DYNC2H1: variants seen among roughly 807,000 people sequenced by gnomAD.
DYNC2H1 encodes cytoplasmic dynein 2 heavy chain 1.
In DYNC2H1, 410 loss-of-function variants were observed where a neutral mutation model predicts 570.0. The ratio of observed to expected loss-of-function variants is 0.72; its 90% confidence interval spans 0.66 to 0.78. The LOEUF is 0.78. Ranked by LOEUF, DYNC2H1 falls within the 30% of genes least tolerant of loss-of-function variation. The probability of loss-of-function intolerance (pLI) is 0.00; values close to 1 mark genes in which losing one functional copy is unlikely to be tolerated. For missense variants in DYNC2H1, 4,865 were observed against 5,046.4 expected, an observed-to-expected ratio of 0.96 and a Z score of 1.09; for synonymous variants, 1,688 against 1,677.6, an observed-to-expected ratio of 1.01 and a Z score of -0.15.
At chr11:103,152,862 A>G (rs1305429727) in intron 21 of DYNC2H1, among the ~76,000 whole-genome samples, 1 of 152,192 alleles carries the variant, frequency 6.6e-6, no homozygotes, top group Non-Finnish European at 1.5e-5. Flanking sequence ...GAAGTTGCAC[A>G]TATCTACTGC....
At chr11:103,221,987 A>C (rs1472042645) in intron 57 of DYNC2H1, 43 bp from the exon 58 acceptor site, 5 of 1,585,898 alleles carry the variant, frequency 3.2e-6, no homozygotes, top group Admixed American at 3.8e-5. Flanking sequence ...AGAAACAGCA[A>C]ATTTTATTTA....
At chr11:103,193,613 G>C (rs568945704) in intron 47 of DYNC2H1, among the ~76,000 whole-genome samples, 1 of 150,278 alleles carries the variant, frequency 6.7e-6, no homozygotes, top group East Asian at 2.0e-4. Flanking sequence ...GTGCAATCTC[G>C]GCCCACCGCA....
rs1318932044 is a variant in DYNC2H1 at position 103,363,712 on chromosome 11, A to G, written c.12156+5353A>G. Among the ~76,000 whole-genome samples, 3 of 152,262 alleles carry G rather than the reference A, an allele frequency of 2.0e-5. No individual in the cohort carries two copies. The highest frequency in any genetic ancestry group is 2.9e-5 in the Non-Finnish European group (2 of 68,040). Reference sequence around the variant, plus strand: ...AGTGATTAAAGGGATTGGAAAATATAAATTAAGTCTACATTACTGATTGTG... The same window carrying G: ...AGTGATTAAAGGGATTGGAAAATATGAATTAAGTCTACATTACTGATTGTG... On this transcript the variant is annotated intron_variant, in intron 83 of 88. Coordinates refer to ENST00000375735, the MANE Select transcript of DYNC2H1 (RefSeq NM_001377.3). This position sits in a 1 kb window ranked among gnomAD's most constrained non-coding sequence, Gnocchi z 5.6.
chr11:103,115,445 T>G, intron 4 of DYNC2H1, 150 bp downstream of exon 4: 1 of 513,154 alleles, frequency 1.9e-6, no homozygotes, highest in Non-Finnish European at 3.4e-6. Context: ...GTTGTATATG[T>G]AAAATGAATT....
chr11:103,147,830 G>T lies in DYNC2H1; in HGVS notation c.2761G>T (p.Asp921Tyr), dbSNP rs1860318166. 2.5e-6 allele frequency: 4 copies of T among 1,611,914 alleles called. No homozygotes were observed. Among genetic ancestry groups the T allele is most frequent in the Non-Finnish European group, 3.4e-6 (4 of 1,179,174 alleles). Residue 921 changes from aspartate to tyrosine, a missense_variant, in exon 19 of 89, where the codon GAT (aspartate) becomes TAT (tyrosine). Physicochemically the swap from Asp to Tyr is radical, Grantham distance 160 (BLOSUM62 -3). This residue lies in a region of DYNC2H1 where 1,936 missense variants were observed against 1,962.1 expected (regional missense o/e 0.99). Transcript: ENST00000375735. Reference sequence around the variant, plus strand: ...CAACCCTGTGAAGACTGTGATTGATGATCTCATCCAGAAGTTATTTGATCT... The same window carrying T: ...CAACCCTGTGAAGACTGTGATTGATTATCTCATCCAGAAGTTATTTGATCT... ...NCNPVKTVID[D>Y]LIQKLFDLLV...
intron 83 of DYNC2H1, among the ~76,000 whole-genome samples, chr11:103,358,884 A>G (rs1940495248): frequency 6.6e-6 from 1 of 152,244 alleles, no homozygotes; most frequent in Admixed American, 6.5e-5. Flanking sequence ...TAGTAATAAT[A>G]TGAAAATGGA....
In DYNC2H1 at chr11:103,170,325, G is replaced by A; in HGVS notation, c.5151+35G>A. ...ATAATTATCAAAATATGTAACAATG[G>A]GTTAATCATATTTAGATTAGTTTCT... On this transcript the variant is annotated intron_variant, in intron 33 of 88. Transcript: ENST00000375735. The surrounding 1 kb of genome is among the most constrained non-coding windows in gnomAD (Gnocchi z 4.8). The A allele has an allele frequency of 2.7e-6, 4 of 1,493,078 alleles. No homozygotes were observed. Among genetic ancestry groups the A allele is most frequent in the Non-Finnish European group, 2.7e-6 (3 of 1,117,876 alleles). The allele number at this position is 1,493,078 out of a possible 1,614,324, so 92.5% of individuals were successfully genotyped here. A position where few individuals can be genotyped will look rare whatever the true frequency, so the allele number is the denominator to read the frequency against.
intron 83 of DYNC2H1, among the ~76,000 whole-genome samples, chr11:103,396,475 A>ATGTT (rs1942399790): frequency 6.6e-6 from 1 of 152,222 alleles, no homozygotes; most frequent in Non-Finnish European, 1.5e-5. Context: ...TTACGGATGA[A>ATGTT]CATGCTAAAC....
chr11:103,358,901 T>G (rs1312466628), intron 83 of DYNC2H1, among the ~76,000 whole-genome samples: 1 of 152,226 alleles, frequency 6.6e-6, no homozygotes, highest in African/African-American at 2.4e-5. Context: ...TGGAATAATT[T>G]GCATAATTGA....
chr11:103,378,194 T>C lies in DYNC2H1; in HGVS notation c.12156+19835T>C, dbSNP rs190025414. On this transcript the variant is annotated intron_variant, in intron 83 of 88. Transcript: ENST00000375735. Reference sequence around the variant, plus strand: ...TAAGAATTGTACATCTCTATCCCCATTTTACCCTACTCTCTCCCAAATCCC... The same window carrying C: ...TAAGAATTGTACATCTCTATCCCCACTTTACCCTACTCTCTCCCAAATCCC... Among the ~76,000 whole-genome samples, 79 of 152,328 alleles carry C rather than the reference T, an allele frequency of 5.2e-4. No homozygotes were observed. The East Asian group carries it at 0.015, about 28-fold the overall frequency.
rs1176013306 is a variant in DYNC2H1, at chr11:103,324,188, T to A, written c.12039+198T>A. ...TTTTTTTTCTTTTTAAACTTTTATT[T>A]TAGACTCAGGGGAAATGTGCAGATT... On this transcript the variant is annotated intron_variant, in intron 82 of 88. Transcript: ENST00000375735. The surrounding 1 kb of genome is among the most constrained non-coding windows in gnomAD (Gnocchi z 5.2). Among the ~76,000 whole-genome samples, 8 of 152,210 alleles carry A rather than the reference T, an allele frequency of 5.3e-5. No individual in the cohort carries two copies. Among genetic ancestry groups the A allele is most frequent in the African/African-American group, 1.9e-4 (8 of 41,460 alleles).
In DYNC2H1 at chr11:103,190,359, C is replaced by T. The variant is rs1307172533; in HGVS notation, c.7437+543C>T. 2.6e-5 allele frequency among the ~76,000 whole-genome samples: 4 copies of T among 152,222 alleles called. No individual in the cohort carries two copies. In the South Asian group the frequency reaches 8.3e-4, roughly 32 times the overall value. ...TTAGTTTATTTTCACTGAATGTTCG[C>T]AGTCTAATGAGGGGCTGAGTCATAT... On this transcript the variant is annotated intron_variant, in intron 45 of 88. Coordinates refer to ENST00000375735, the MANE Select transcript of DYNC2H1 (RefSeq NM_001377.3).
chr11:103,200,873 C>T (rs1165798785), intron 50 of DYNC2H1, among the ~76,000 whole-genome samples: 1 of 152,186 alleles, frequency 6.6e-6, no homozygotes, highest in Non-Finnish European at 1.5e-5. Flanking sequence ...TGTCGCCAGG[C>T]TGGAGTGCAG....
chr11:103,156,758 A>G lies in DYNC2H1; in HGVS notation c.4115A>G (p.Asp1372Gly). The change falls in exon 26 of 89, where the codon GAT becomes GGT. Residue 1372 changes from aspartate (D) to glycine (G), a missense_variant. Transcript: ENST00000375735. ...GAACAGACACGCTTCAACAGAGTTG[A>G]TGAAGATTTTAGGTCAGTACAATGA... is the stretch of plus-strand genomic sequence containing the variant. The part of the protein sequence containing the change: ...PKEQTRFNRV[D>G]EDFRSIMTDI... 3.1e-6 allele frequency: 5 copies of G among 1,608,730 alleles called. No homozygotes were observed. Among genetic ancestry groups the G allele is most frequent in the Non-Finnish European group, 4.2e-6 (5 of 1,178,760 alleles).
intron 17 of DYNC2H1, among the ~76,000 whole-genome samples, chr11:103,141,265 G>A (rs1859909155): frequency 6.6e-6 from 1 of 152,158 alleles, no homozygotes; most frequent in Non-Finnish European, 1.5e-5. Flanking sequence ...GCATTCCTTT[G>A]GAGGAGGAGT....
intron 84 of DYNC2H1, among the ~76,000 whole-genome samples, chr11:103,428,456 C>A (rs924454688): frequency 1.3e-5 from 2 of 152,084 alleles, no homozygotes; most frequent in Non-Finnish European, 2.9e-5. Flanking sequence ...CTTTCTTAAC[C>A]TTTTCCCAAT....
intron 84 of DYNC2H1, among the ~76,000 whole-genome samples, 178 bp from the exon 85 acceptor site, chr11:103,435,765 T>C (rs919481179): frequency 1.3e-5 from 2 of 152,166 alleles, no homozygotes; most frequent in Non-Finnish European, 2.9e-5. Flanking sequence ...TTTCCTTCCT[T>C]TTAGAGAAAC....
In DYNC2H1 at chr11:103,152,175, CT is replaced by C. The variant is rs1446166328; in HGVS notation, c.2990del (p.Leu997TyrfsTer9). ...TCAAGAAGCTGAAGACAAAAACAGA[CT>C]TTTACGAACTGTGGCTGGTGGAGGT... is the stretch of plus-strand genomic sequence containing the variant. ...LFQEAEDKNR[L>X]LRTVAGGGLE... On this transcript the variant is annotated frameshift_variant, in exon 21 of 89. Transcript: ENST00000375735. LOFTEE classifies it high-confidence loss of function. The C allele has an allele frequency of 5.6e-6, 9 of 1,604,400 alleles. No individual in the cohort carries two copies. The highest frequency in any genetic ancestry group is 7.6e-6 in the Non-Finnish European group (9 of 1,176,568).
chr11:103,116,491 A>G, intron 4 of DYNC2H1, 79 bp from the exon 5 acceptor site: 1 of 1,128,346 alleles, frequency 8.9e-7, no homozygotes, highest in Non-Finnish European at 1.2e-6. Flanking sequence ...TGGCAGTTGA[A>G]AAGGCCTGGG....
Sources: gnomAD v4.1 joint callset for allele counts (sites outside exome capture counted in the v4.1 genomes callset) on GRCh38, gnomAD v4.1.1 for gene constraint, gnomAD v4.1.1 regional missense constraint, Gnocchi (gnomAD v3.1) non-coding constraint, MANE v1.5 for transcripts, NCBI Gene and HGNC (gene_info 2026-07-23, HGNC 2026-07-21) for gene names.